The following SAMD3 variants were observed in gnomAD, a reference collection of about 807,000 sequenced individuals.
The protein encoded by SAMD3 is sterile alpha motif domain containing 3.
SAMD3 carries 63 observed loss-of-function variants against 58.5 expected under a neutral mutation model. That is an observed-to-expected ratio of 1.08 (90% CI 0.88 to 1.33). The LOEUF is 1.33. Among genes scored for constraint, SAMD3 ranks in the 40% most tolerant of loss-of-function variants. The pLI is 0.00. For missense variants in SAMD3, 604 were observed against 608.4 expected, an observed-to-expected ratio of 0.99 and a Z score of 0.08; for synonymous variants, 220 against 210.3, an observed-to-expected ratio of 1.05 and a Z score of -0.40.
chr6:130,242,098 TAAG>T, intron 2 of SAMD3, among the ~76,000 whole-genome samples: 1 of 152,344 alleles, frequency 6.6e-6, no homozygotes, highest in South Asian at 2.1e-4. Flanking sequence ...TGGAAAACTT[TAAG>T]GATAAGTGTC....
At chr6:130,226,588 A>T (rs886253567), upstream of SAMD3, among the ~76,000 whole-genome samples, 30 of 152,340 alleles carry the variant, frequency 2.0e-4, 1 homozygote, top group African/African-American at 7.2e-4. Flanking sequence ...GCACTTTGGG[A>T]GGCCAAGGCG....
intron 8 of SAMD3, among the ~76,000 whole-genome samples, chr6:130,174,024 C>T (rs942504803): frequency 2.6e-5 from 4 of 152,162 alleles, no homozygotes; most frequent in Non-Finnish European, 5.9e-5. Flanking sequence ...GACAGCCCTC[C>T]CCCCACCAAG....
intron 2 of SAMD3, among the ~76,000 whole-genome samples, chr6:130,239,898 G>T (rs1773296252): frequency 6.6e-6 from 1 of 152,186 alleles, no homozygotes; most frequent in Non-Finnish European, 1.5e-5. Context: ...TGAGACCAGG[G>T]CTCCCTATTC....
At chr6:130,297,693 T>C (rs1366608354) in intron 2 of SAMD3, among the ~76,000 whole-genome samples, 1 of 152,014 alleles carries the variant, frequency 6.6e-6, no homozygotes, top group African/African-American at 2.4e-5. Context: ...AAAAACCAAA[T>C]AGAACTTCTG....
chr6:130,256,846 AT>A (rs1378340342), intron 2 of SAMD3, among the ~76,000 whole-genome samples: 1 of 152,216 alleles, frequency 6.6e-6, no homozygotes, highest in Non-Finnish European at 1.5e-5. Context: ...TTTGTGAGAC[AT>A]TTTATTCAGT....
chr6:130,328,961 C>A (rs184781098), intron 1 of SAMD3, among the ~76,000 whole-genome samples: 3 of 151,520 alleles, frequency 2.0e-5, no homozygotes, highest in African/African-American at 4.9e-5. Flanking sequence ...CAGAGGGAAA[C>A]GAGAATATAA....
intron 9 of SAMD3, among the ~76,000 whole-genome samples, chr6:130,151,881 T>C (rs13198463): frequency 0.039 from 5,879 of 152,300 alleles, 158 homozygotes; most frequent in Non-Finnish European, 0.061. Context: ...GGGAAGGGTT[T>C]CAGTTTGTGT....
intron 1 of SAMD3, among the ~76,000 whole-genome samples, chr6:130,325,253 A>G (rs1394525093): frequency 1.1e-4 from 17 of 152,220 alleles, no homozygotes; most frequent in Admixed American, 1.1e-3. Context: ...GGAGGCCAAG[A>G]GTCCCTTGAT....
At chr6:130,238,219 C>A (rs567531736) in intron 2 of SAMD3, among the ~76,000 whole-genome samples, 57 of 151,992 alleles carry the variant, frequency 3.8e-4, no homozygotes, top group South Asian at 3.1e-3. Context: ...AGGCAAAAAC[C>A]CAATAGTCTT....
At chr6:130,290,933 A>G (rs79757136) in intron 2 of SAMD3, among the ~76,000 whole-genome samples, 84 of 152,266 alleles carry the variant, frequency 5.5e-4, no homozygotes, top group African/African-American at 1.8e-3. Flanking sequence ...TCTGGGTCTG[A>G]GTATAAGGAC....
chr6:130,256,264 A>C (rs1249643064), intron 2 of SAMD3, among the ~76,000 whole-genome samples: 2 of 151,844 alleles, frequency 1.3e-5, no homozygotes, highest in Admixed American at 1.3e-4. Context: ...TAGATATGAG[A>C]TCTTCATATC....
At chr6:130,302,767 A>AT (rs1021117259) in intron 2 of SAMD3, among the ~76,000 whole-genome samples, 6 of 152,134 alleles carry the variant, frequency 3.9e-5, no homozygotes, top group African/African-American at 1.2e-4. Context: ...ATGAAATAAT[A>AT]TTTTTTTGCA....
intron 1 of SAMD3, among the ~76,000 whole-genome samples, chr6:130,353,888 T>C (rs1178389369): frequency 2.0e-5 from 3 of 152,034 alleles, no homozygotes; most frequent in South Asian, 2.1e-4. Flanking sequence ...ACAGACAATC[T>C]ACAGAAGAGT....
At chr6:130,273,831 T>A (rs1774671810) in intron 2 of SAMD3, among the ~76,000 whole-genome samples, 1 of 152,160 alleles carries the variant, frequency 6.6e-6, no homozygotes, top group Admixed American at 6.5e-5. Context: ...ATGTCAAAAT[T>A]TGTATCTGTT....
chr6:130,288,641 G>A (rs960949039), intron 2 of SAMD3, among the ~76,000 whole-genome samples: 1 of 152,210 alleles, frequency 6.6e-6, no homozygotes, highest in African/African-American at 2.4e-5. Flanking sequence ...AATGTGGATG[G>A]AAACTAATGT....
chr6:130,245,435 T>C (rs1773507399), intron 2 of SAMD3, among the ~76,000 whole-genome samples: 1 of 152,252 alleles, frequency 6.6e-6, no homozygotes, highest in Non-Finnish European at 1.5e-5. Context: ...GAAAGTGTGC[T>C]CTCTCACAGC....
At chr6:130,197,288 C>G (rs576144837) in intron 5 of SAMD3, among the ~76,000 whole-genome samples, 1 of 152,342 alleles carries the variant, frequency 6.6e-6, no homozygotes, top group Non-Finnish European at 1.5e-5. Context: ...TAGTCATACT[C>G]TTATTCACCG....
chr6:130,255,419 A>C (rs1773891041), intron 2 of SAMD3, among the ~76,000 whole-genome samples: 2 of 152,178 alleles, frequency 1.3e-5, no homozygotes, highest in African/African-American at 4.8e-5. Flanking sequence ...CTATTATTGT[A>C]TGCAATCTAT....
intron 2 of SAMD3, among the ~76,000 whole-genome samples, chr6:130,280,522 T>C (rs535333237): frequency 6.6e-6 from 1 of 152,314 alleles, no homozygotes; most frequent in South Asian, 2.1e-4. Context: ...GCATCTTCTA[T>C]GTCTAGCCTC....
Sources: gnomAD v4.1 joint callset for allele counts (sites outside exome capture counted in the v4.1 genomes callset) on GRCh38, gnomAD v4.1.1 for gene constraint, MANE v1.5 for transcripts, NCBI Gene and HGNC (gene_info 2026-07-23, HGNC 2026-07-21) for gene names.